Variants in FRMD5 observed in about 807,000 individuals in gnomAD.
The protein encoded by FRMD5 is FERM domain-containing protein 5.
FRMD5 carries 20 observed loss-of-function variants against 69.0 expected under a neutral mutation model. The observed-to-expected ratio is 0.29, with a 90% CI of 0.20 to 0.42. The LOEUF is 0.42. FRMD5 is among the 10% of genes least tolerant of loss of function. The pLI, the probability that FRMD5 is intolerant of heterozygous loss-of-function variation, is 1.00. For missense variants in FRMD5, 595 were observed against 708.6 expected (o/e 0.84, Z 1.82); for synonymous variants, 271 against 260.1 (o/e 1.04, Z -0.40).
chr15:43,937,584 G>A (rs2089782499), intron 1 of FRMD5, among the ~76,000 whole-genome samples: 1 of 150,222 alleles, frequency 6.7e-6, no homozygotes, highest in Non-Finnish European at 1.5e-5. Flanking sequence ...GTTGCAGTGA[G>A]CCAAGATCGC....
intron 1 of FRMD5, among the ~76,000 whole-genome samples, chr15:43,995,760 G>C (rs970878343): frequency 1.3e-5 from 2 of 152,136 alleles, no homozygotes; most frequent in African/African-American, 2.4e-5. Context: ...GGGTCCATGG[G>C]GATATGCCTG....
chr15:43,990,760 A>T (rs2140135173), intron 1 of FRMD5, among the ~76,000 whole-genome samples: 1 of 152,346 alleles, frequency 6.6e-6, no homozygotes, highest in South Asian at 2.1e-4. Flanking sequence ...GTAAGAGACT[A>T]AAAAAACTGG....
intron 1 of FRMD5, among the ~76,000 whole-genome samples, chr15:43,963,447 A>T (rs1462912771): frequency 6.6e-6 from 1 of 152,200 alleles, no homozygotes; most frequent in Non-Finnish European, 1.5e-5. Flanking sequence ...GAACACTTTT[A>T]CACTGTTGGT....
intron 1 of FRMD5, among the ~76,000 whole-genome samples, chr15:44,002,158 G>A (rs918030539): frequency 2.6e-5 from 4 of 152,042 alleles, no homozygotes; most frequent in Admixed American, 2.6e-4. Flanking sequence ...CCCTTTCTCT[G>A]CCCTGGCCCA....
intron 1 of FRMD5, among the ~76,000 whole-genome samples, chr15:43,963,242 C>T (rs897008435): frequency 2.6e-5 from 4 of 152,154 alleles, no homozygotes; most frequent in Non-Finnish European, 4.4e-5. Context: ...AAAAAGTGGG[C>T]AAAGGATATG....
intron 1 of FRMD5, among the ~76,000 whole-genome samples, chr15:44,114,466 G>A (rs1307131871): frequency 6.6e-6 from 1 of 152,090 alleles, no homozygotes; most frequent in Non-Finnish European, 1.5e-5. Context: ...ATCTCCACAG[G>A]GACACTATGA....
intron 1 of FRMD5, among the ~76,000 whole-genome samples, chr15:43,931,536 C>G (rs2089675679): frequency 1.3e-5 from 2 of 152,090 alleles, no homozygotes; most frequent in Admixed American, 1.3e-4. Flanking sequence ...TCGACTTCCC[C>G]TTGCTCCAAC....
At chr15:44,139,297 C>CCACACACA (rs1431105970) in intron 1 of FRMD5, among the ~76,000 whole-genome samples, 1 of 136,850 alleles carries the variant, frequency 7.3e-6, no homozygotes, top group African/African-American at 3.2e-5. Context: ...CCCCCTCTCT[C>CCACACACA]TACACACACA....
At chr15:44,191,937 T>TAC (rs2078203582) in intron 1 of FRMD5, among the ~76,000 whole-genome samples, 1 of 112,978 alleles carries the variant, frequency 8.9e-6, no homozygotes, top group East Asian at 2.5e-4. Flanking sequence ...TATATATATA[T>TAC]ATATGTATCT....
intron 1 of FRMD5, among the ~76,000 whole-genome samples, chr15:43,951,276 C>T (rs1163385720): frequency 6.6e-6 from 1 of 151,560 alleles, no homozygotes. Context: ...AAAAAAATTA[C>T]CCGGGCATGG....
intron 12 of FRMD5, among the ~76,000 whole-genome samples, chr15:43,884,512 T>C (rs1411179703): frequency 1.3e-5 from 2 of 152,202 alleles, no homozygotes; most frequent in South Asian, 2.1e-4. Context: ...CTGGATCTGA[T>C]GTACTATCTG....
At chr15:43,901,423 C>T (rs2089042603) in intron 7 of FRMD5, among the ~76,000 whole-genome samples, 1 of 152,204 alleles carries the variant, frequency 6.6e-6, no homozygotes, top group Non-Finnish European at 1.5e-5. Context: ...GATACTGCTT[C>T]CTTCAGATCA....
At chr15:44,172,376 C>T (rs911020051) in intron 1 of FRMD5, among the ~76,000 whole-genome samples, 1 of 151,772 alleles carries the variant, frequency 6.6e-6, no homozygotes, top group African/African-American at 2.4e-5. Flanking sequence ...GGCCTCCCAA[C>T]CAAAGTGCTG....
At chr15:43,955,717 C>T (rs2090104007) in intron 1 of FRMD5, among the ~76,000 whole-genome samples, 1 of 152,064 alleles carries the variant, frequency 6.6e-6, no homozygotes, top group African/African-American at 2.4e-5. Context: ...CATTAGCCTC[C>T]AATAAAAGAA....
intron 1 of FRMD5, among the ~76,000 whole-genome samples, chr15:44,047,546 A>T (rs1273200304): frequency 6.6e-6 from 1 of 152,196 alleles, no homozygotes; most frequent in Non-Finnish European, 1.5e-5. Flanking sequence ...TCTATGACAA[A>T]CAATTCTTTT....
intron 1 of FRMD5, among the ~76,000 whole-genome samples, chr15:44,054,853 C>T (rs1329983536): frequency 2.0e-5 from 3 of 151,834 alleles, no homozygotes; most frequent in African/African-American, 4.8e-5. Flanking sequence ...GGGCACATCA[C>T]GAGGTCAGGA....
At chr15:43,970,645 C>A (rs1325782901) in intron 1 of FRMD5, among the ~76,000 whole-genome samples, 1 of 152,104 alleles carries the variant, frequency 6.6e-6, no homozygotes, top group Non-Finnish European at 1.5e-5. Flanking sequence ...TTAGTAGAGG[C>A]AGGGTTTCGC....
chr15:44,138,039 C>A, intron 1 of FRMD5, among the ~76,000 whole-genome samples: 1 of 152,082 alleles, frequency 6.6e-6, no homozygotes. Context: ...ATCTGAGTTA[C>A]CTACAGGAAC....
chr15:43,935,314 T>C (rs1440943574), intron 1 of FRMD5, among the ~76,000 whole-genome samples: 1 of 152,142 alleles, frequency 6.6e-6, no homozygotes, highest in Non-Finnish European at 1.5e-5. Context: ...ACCCCATCTC[T>C]ACTAAAAATA....
Sources: gnomAD v4.1 joint callset for allele counts (sites outside exome capture counted in the v4.1 genomes callset) on GRCh38, gnomAD v4.1.1 for gene constraint, MANE v1.5 for transcripts, NCBI Gene and HGNC (gene_info 2026-07-23, HGNC 2026-07-21) for gene names.